CSMD3: variants seen among roughly 807,000 people sequenced by gnomAD.
CSMD3 encodes the protein CUB and Sushi multiple domains 3, also known as CUB and sushi domain-containing protein 3.
Under a neutral mutation model 435.2 loss-of-function variants are expected in CSMD3, and 177 were observed. The ratio of observed to expected loss-of-function variants is 0.41; its 90% CI spans 0.36 to 0.46. The LOEUF is 0.46. CSMD3 is among the 20% of genes least tolerant of loss of function. The pLI is 0.34. For synonymous variants in CSMD3, 1,656 were observed against 1,520.5 expected (o/e 1.09, Z -2.07); for missense variants, 4,265 against 4,504.6 (o/e 0.95, Z 1.52).
intron 11 of CSMD3, among the ~76,000 whole-genome samples, chr8:112,842,552 C>G (rs2080209566): frequency 1.3e-5 from 2 of 150,084 alleles, no homozygotes; most frequent in Admixed American, 6.7e-5. Flanking sequence ...ATATTTTGAA[C>G]ATATATATTC....
rs2131547790 is a variant in CSMD3, at chr8:113,098,945, C to T, written c.728G>A (p.Gly243Glu). 1 of 1,609,240 alleles carries T rather than the reference C, an allele frequency of 6.2e-7. No homozygotes were observed. Among genetic ancestry groups the T allele is most frequent in the East Asian group, 2.2e-5 (1 of 44,832 alleles). The change falls in exon 5 of 71, where the codon GGA (glycine) becomes GAA (glutamate). Residue 243 changes from glycine to glutamate, a missense_variant. Coordinates refer to ENST00000297405, the MANE Select transcript of CSMD3 (RefSeq NM_198123.2). ...PICRAEDACG[G>E]TMRGSSGIIS... Reference sequence around the variant, plus strand: ...GATGCCACTGGATCCTCTCATTGTTCCTCCACAAGCATCTTCAGCTGTTAA... The same window carrying T: ...GATGCCACTGGATCCTCTCATTGTTTCTCCACAAGCATCTTCAGCTGTTAA...
At chr8:112,890,689 C>T (rs993793473) in intron 10 of CSMD3, among the ~76,000 whole-genome samples, 1 of 151,648 alleles carries the variant, frequency 6.6e-6, no homozygotes, top group Non-Finnish European at 1.5e-5. Context: ...CACTATTATG[C>T]GACTTTCACT....
chr8:112,713,033 C>T (rs1449416907), intron 13 of CSMD3, among the ~76,000 whole-genome samples: 1 of 152,130 alleles, frequency 6.6e-6, no homozygotes, highest in Non-Finnish European at 1.5e-5. Context: ...CCAGCACCAG[C>T]AACCAATATC....
intron 3 of CSMD3, among the ~76,000 whole-genome samples, chr8:113,185,919 T>C (rs1468016803): frequency 6.6e-6 from 1 of 152,014 alleles, no homozygotes; most frequent in East Asian, 1.9e-4. Context: ...TTGCAAGCTA[T>C]GTTCAGGACT....
At chr8:112,254,113 GCTGT>G (rs1249825718) in intron 63 of CSMD3, 136 bp downstream of exon 63, 2 of 676,966 alleles carry the variant, frequency 3.0e-6, no homozygotes, top group East Asian at 2.8e-5. Flanking sequence ...CCACTCTTTT[GCTGT>G]CTGTTACCCT....
At chr8:112,712,458 G>T (rs1367516132) in intron 13 of CSMD3, among the ~76,000 whole-genome samples, 1 of 152,080 alleles carries the variant, frequency 6.6e-6, no homozygotes. Context: ...TATACACAGG[G>T]TTGGATTTAT....
chr8:113,345,695 T>A (rs1356928038), intron 1 of CSMD3, among the ~76,000 whole-genome samples: 1 of 152,162 alleles, frequency 6.6e-6, no homozygotes. Flanking sequence ...TCTGTTTTTT[T>A]AAAAACATTT....
At chr8:113,233,019 G>A (rs1305605315) in intron 3 of CSMD3, among the ~76,000 whole-genome samples, 1 of 151,744 alleles carries the variant, frequency 6.6e-6, no homozygotes, top group Non-Finnish European at 1.5e-5. Context: ...AAAAAGTTAA[G>A]ATATAAATTT....
At chr8:112,831,219 A>T (rs1473879964) in intron 11 of CSMD3, among the ~76,000 whole-genome samples, 1 of 152,198 alleles carries the variant, frequency 6.6e-6, no homozygotes, top group East Asian at 1.9e-4. Context: ...TTACATGATC[A>T]TAATTTAAAA....
chr8:112,590,893 C>T (rs1374360441), intron 22 of CSMD3, among the ~76,000 whole-genome samples: 3 of 151,936 alleles, frequency 2.0e-5, no homozygotes, highest in Non-Finnish European at 4.4e-5. Flanking sequence ...ATAACTGATG[C>T]TACTAACTGA....
rs975668466 is a variant in CSMD3, at chr8:113,387,132, A to G, written c.178+49545T>C. Among the ~76,000 whole-genome samples, 11 of 151,920 alleles carry G rather than the reference A, an allele frequency of 7.2e-5. No homozygotes were observed. In the South Asian group the frequency reaches 2.1e-3, roughly 29 times the overall value. On this transcript the variant is annotated intron_variant, in intron 1 of 70. Coordinates refer to ENST00000297405, the MANE Select transcript of CSMD3 (RefSeq NM_198123.2). ...ATGATGGTTTAGATTGTGAAATTCA[A>G]ATTATTTTTTAATCATTAATTGCAT...
Position 112,987,371 on chromosome 8 carries a change from A to T in CSMD3, c.1031-11223T>A, listed in dbSNP as rs777371576. Among the ~76,000 whole-genome samples the T allele has an allele frequency of 3.3e-5, 5 of 152,144 alleles. 1 individual carries two copies. Among genetic ancestry groups the T allele is most frequent in the Admixed American group, 1.3e-4 (2 of 15,238 alleles). On this transcript the variant is annotated intron_variant, in intron 6 of 70. Coordinates refer to ENST00000297405, the MANE Select transcript of CSMD3 (RefSeq NM_198123.2). Reference sequence around the variant, plus strand: ...CTGAAGAGATGATTAAGACACTATAAACGTATTTGACATTCCAATATGTTT... The same window carrying T: ...CTGAAGAGATGATTAAGACACTATATACGTATTTGACATTCCAATATGTTT...
At chr8:112,679,696 A>T in intron 16 of CSMD3, among the ~76,000 whole-genome samples, 1 of 152,266 alleles carries the variant, frequency 6.6e-6, no homozygotes, top group East Asian at 1.9e-4. Context: ...TTTTACCTCC[A>T]CCATGAAGCT....
intron 13 of CSMD3, among the ~76,000 whole-genome samples, chr8:112,727,323 C>T (rs1175197439): frequency 6.6e-6 from 1 of 151,708 alleles, no homozygotes; most frequent in Non-Finnish European, 1.5e-5. Context: ...GGTTGTAGTG[C>T]TATAGATATG....
chr8:113,308,973 G>A (rs1321213935), intron 2 of CSMD3, among the ~76,000 whole-genome samples: 1 of 152,040 alleles, frequency 6.6e-6, no homozygotes, highest in Non-Finnish European at 1.5e-5. Context: ...TTTAGAGACA[G>A]GGTCTGGCTC....
At chr8:113,126,684 G>A (rs1174886921) in intron 4 of CSMD3, among the ~76,000 whole-genome samples, 1 of 151,632 alleles carries the variant, frequency 6.6e-6, no homozygotes, top group African/African-American at 2.4e-5. Flanking sequence ...GGAAGGGGAA[G>A]GAAAACTGGG....
intron 4 of CSMD3, among the ~76,000 whole-genome samples, chr8:113,154,129 G>T (rs548125529): frequency 1.3e-5 from 2 of 151,990 alleles, no homozygotes; most frequent in African/African-American, 4.8e-5. Context: ...ATTTTATACA[G>T]AACAAATTTT....
chr8:112,538,732 G>T (rs1826371671), intron 27 of CSMD3, among the ~76,000 whole-genome samples: 1 of 152,154 alleles, frequency 6.6e-6, no homozygotes, highest in South Asian at 2.1e-4. Flanking sequence ...AGTGTTCATA[G>T]ATTGGAAGAA....
At chr8:112,960,125 T>G (rs2084173798) in intron 7 of CSMD3, among the ~76,000 whole-genome samples, 1 of 151,842 alleles carries the variant, frequency 6.6e-6, no homozygotes, top group Non-Finnish European at 1.5e-5. Context: ...GACTTTTTTT[T>G]GTTTGTTTAA....
Sources: allele counts gnomAD v4.1 joint callset (sites outside exome capture counted in the v4.1 genomes callset), GRCh38; gene constraint gnomAD v4.1.1; transcripts MANE v1.5; gene names NCBI Gene and HGNC (gene_info 2026-07-23, HGNC 2026-07-21).